Variants in UBN2 observed in about 807,000 individuals in gnomAD.
UBN2 encodes the protein ubinuclein-2.
A neutral mutation model predicts 120.2 loss-of-function variants in UBN2; 35 were observed. That is an observed-to-expected ratio of 0.29 (90% CI 0.22 to 0.39). The LOEUF (loss-of-function observed/expected upper bound fraction) is 0.39, where lower values mean the gene tolerates loss of function less well. Ranked by LOEUF, UBN2 falls within the 10% of genes least tolerant of loss-of-function variation. The probability of loss-of-function intolerance (pLI) is 1.00; values close to 1 mark genes in which losing one functional copy is unlikely to be tolerated. For missense variants in UBN2, 1,693 were observed against 1,663.2 expected (o/e 1.02, Z -0.31); for synonymous variants, 661 against 648.7 (o/e 1.02, Z -0.29).
chr7:139,297,142 T>C lies in UBN2; in HGVS notation c.3995-645T>C, dbSNP rs554263259. On this transcript the variant is annotated intron_variant, in intron 17 of 17. Coordinates refer to ENST00000473989, the MANE Select transcript of UBN2 (RefSeq NM_173569.4). Reference sequence around the variant, plus strand: ...CTGGGAGGCAGAGGTTGCAGTGAGCTGAGATCGCGCCATTGCACTCCAGCC... The same window carrying C: ...CTGGGAGGCAGAGGTTGCAGTGAGCCGAGATCGCGCCATTGCACTCCAGCC... 1.5e-3 allele frequency among the ~76,000 whole-genome samples: 226 copies of C among 146,530 alleles called. 1 individual carries two copies. Among genetic ancestry groups the C allele is most frequent in the African/African-American group, 5.7e-3 (223 of 39,348 alleles).
rs1795999653 is a variant in UBN2, at chr7:139,231,295, G to A, written c.-190G>A. Among the ~76,000 whole-genome samples the A allele has an allele frequency of 6.6e-6, 1 of 152,258 alleles. No homozygotes were observed. The highest frequency in any genetic ancestry group is 2.4e-5 in the African/African-American group (1 of 41,470). On this transcript the variant is annotated 5_prime_UTR_variant, in exon 1 of 18. It adds an upstream start codon to the 5' untranslated region. Coordinates refer to ENST00000473989, the MANE Select transcript of UBN2 (RefSeq NM_173569.4). ...GGCCGCGGCGACCCTGGCGATGGCG[G>A]TGAAGCCCATCAGAACGTAGTAGCG...
chr7:139,286,315 C>T (rs1050647295), intron 15 of UBN2, among the ~76,000 whole-genome samples: 3 of 152,188 alleles, frequency 2.0e-5, no homozygotes, highest in Non-Finnish European at 4.4e-5. Flanking sequence ...CTGCCCGCTT[C>T]CGCCTCCCAA....
intron 3 of UBN2, among the ~76,000 whole-genome samples, chr7:139,255,487 A>T (rs1796732715): frequency 6.6e-6 from 1 of 152,210 alleles, no homozygotes; most frequent in African/African-American, 2.4e-5. Context: ...AAGTCAGGAT[A>T]AATTTTGTAG....
At chr7:139,324,639 C>A in the UBN2 span, among the ~76,000 whole-genome samples, 1 of 150,536 alleles carries the variant, frequency 6.6e-6, no homozygotes, top group South Asian at 2.1e-4. Flanking sequence ...ATGTTTATCA[C>A]TGTGCAATTT....
chr7:139,279,268 G>T, intron 12 of UBN2, 50 bp from the exon 13 acceptor site: 1 of 1,377,984 alleles, frequency 7.3e-7, no homozygotes, highest in South Asian at 1.2e-5. Flanking sequence ...ACTTTCTAAT[G>T]AGCAATATAA....
chr7:139,247,852 G>A (rs1304244957), intron 2 of UBN2, among the ~76,000 whole-genome samples: 1 of 152,028 alleles, frequency 6.6e-6, no homozygotes, highest in Non-Finnish European at 1.5e-5. Flanking sequence ...ACTTGTCCTT[G>A]TCTGGGTATG....
chr7:139,267,537 A>G (rs1362352489), intron 7 of UBN2, among the ~76,000 whole-genome samples: 1 of 133,760 alleles, frequency 7.5e-6, no homozygotes, highest in East Asian at 2.0e-4. Context: ...CTCTGTCTCC[A>G]AAAAAAAAAA....
chr7:139,310,116 T>C, downstream of UBN2, among the ~76,000 whole-genome samples: 1 of 152,146 alleles, frequency 6.6e-6, no homozygotes, highest in Non-Finnish European at 1.5e-5. Flanking sequence ...AAGAAAGGAA[T>C]GTATTTCTTC....
chr7:139,236,055 G>A (rs1295925528), intron 1 of UBN2, among the ~76,000 whole-genome samples: 4 of 152,040 alleles, frequency 2.6e-5, no homozygotes, highest in African/African-American at 9.7e-5. Context: ...GTCTGAAATT[G>A]GATAAAAGTA....
intron 15 of UBN2, among the ~76,000 whole-genome samples, chr7:139,287,449 A>C (rs1456983327): frequency 6.6e-6 from 1 of 152,072 alleles, no homozygotes; most frequent in South Asian, 2.1e-4. Context: ...TGTCATCTCT[A>C]CAGTCTGTCA....
In UBN2 at chr7:139,240,452, ATATTTT is replaced by A. The variant is rs1270908585; in HGVS notation, c.561+3357_561+3362del. On this transcript the variant is annotated intron_variant, in intron 2 of 17. Coordinates refer to ENST00000473989, the MANE Select transcript of UBN2 (RefSeq NM_173569.4). ...TAAATATATATATATATATATATATATATTTTTTTTTTTAAATAATTATTTGGAATC... is the reference window on the plus strand; with the variant it reads ...TAAATATATATATATATATATATATATTTTTTTAAATAATTATTTGGAATC... Among the ~76,000 whole-genome samples, 50 of 57,652 alleles carry A rather than the reference ATATTTT, an allele frequency of 8.7e-4. 1 individual carries two copies. Among genetic ancestry groups the A allele is most frequent in the African/African-American group, 2.3e-3 (44 of 18,914 alleles). The allele number at this position is 57,652 out of a possible 152,430, so 37.8% of individuals were successfully genotyped here.
chr7:139,245,427 T>A (rs912809403), intron 2 of UBN2, among the ~76,000 whole-genome samples: 1 of 152,212 alleles, frequency 6.6e-6, no homozygotes, highest in African/African-American at 2.4e-5. Flanking sequence ...TTGCTCCCCT[T>A]GATAAGATTT....
At chr7:139,293,799 G>A in intron 16 of UBN2, 90 bp from the exon 17 acceptor site, 2 of 1,210,532 alleles carry the variant, frequency 1.7e-6, no homozygotes, top group Non-Finnish European at 2.4e-6. Flanking sequence ...CAGGTGCTGT[G>A]CCTGCATTAC....
chr7:139,309,794 C>A (rs1042848257), downstream of UBN2, among the ~76,000 whole-genome samples: 23 of 152,090 alleles, frequency 1.5e-4, no homozygotes, highest in African/African-American at 5.1e-4. Context: ...TCACTTGAGC[C>A]CAGGAGGCGG....
rs1053395956 is a variant in UBN2, at chr7:139,307,616, G to A, written c.*9780G>A. On this transcript the variant is annotated 3_prime_UTR_variant, in exon 18 of 18. Coordinates refer to ENST00000473989, the MANE Select transcript of UBN2 (RefSeq NM_173569.4). ...GCTTGTTTAATTTCCAGCTCAAATC[G>A]GAGCAGGAATATGGACAAACTGCTG... 2.0e-5 allele frequency: 3 copies of A among 152,046 alleles called. No homozygotes were observed. Among genetic ancestry groups the A allele is most frequent in the Non-Finnish European group, 4.4e-5 (3 of 68,036 alleles). 9.4% of individuals were successfully genotyped at this position (152,046 alleles called of 1,614,324 possible).
At chr7:139,295,087 AC>A (rs1391367269) in intron 17 of UBN2, among the ~76,000 whole-genome samples, 1 of 145,822 alleles carries the variant, frequency 6.9e-6, no homozygotes, top group Non-Finnish European at 1.5e-5. Context: ...ACTAGGCCTC[AC>A]TTTTTTTTTT....
At chr7:139,272,527 T>TATGA in intron 9 of UBN2, 87 bp downstream of exon 9, 2 of 861,210 alleles carry the variant, frequency 2.3e-6, no homozygotes, top group East Asian at 5.2e-5. Context: ...TGTATGTATG[T>TATGA]ATGTATGTAT....
rs1796180880 is a variant in UBN2, at chr7:139,236,986, C to G, written c.469-19C>G. The G allele has an allele frequency of 6.5e-7, 1 of 1,544,296 alleles. No homozygotes were observed. Reference sequence around the variant, plus strand: ...ACTAATGGATACTTCTCTTTCTTTTCCCATTCACCTTGAATCAGAAGAAGC... The same window carrying G: ...ACTAATGGATACTTCTCTTTCTTTTGCCATTCACCTTGAATCAGAAGAAGC... On this transcript the variant is annotated intron_variant, in intron 1 of 17. Transcript: ENST00000473989.
Position 139,293,470 on chromosome 7 carries a change from G to A in UBN2, c.3901+7G>A, listed in dbSNP as rs1798022161. 2 of 1,612,994 alleles carry A rather than the reference G, an allele frequency of 1.2e-6. No homozygotes were observed. Among genetic ancestry groups the A allele is most frequent in the Non-Finnish European group, 1.7e-6 (2 of 1,179,000 alleles). On this transcript the variant is annotated splice_region_variant and intron_variant, in intron 16 of 17. Transcript: ENST00000473989. ...CACCATAGCCTAACTCAGAGTAAGT[G>A]GGGCTCTTCTATTTGGTTGGGCTGT...
Sources: gnomAD v4.1 joint callset for allele counts (sites outside exome capture counted in the v4.1 genomes callset) on GRCh38, gnomAD v4.1.1 for gene constraint, MANE v1.5 for transcripts, NCBI Gene and HGNC (gene_info 2026-07-23, HGNC 2026-07-21) for gene names.